Variants in SMAD6 observed in about 807,000 individuals in gnomAD.
SMAD6 encodes SMAD family member 6, also known as MAD homolog 6.
In SMAD6, 103 loss-of-function variants were observed where a neutral mutation model predicts 39.4. The observed-to-expected ratio is 2.62, with a 90% CI of 2.23 to 3.08. SMAD6 has a LOEUF of 3.08. Ranked by LOEUF, SMAD6 falls within the 30% of genes most tolerant of loss-of-function variation. The pLI, the probability that SMAD6 is intolerant of heterozygous loss-of-function variation, is 0.00. For synonymous variants in SMAD6, 445 were observed against 353.3 expected (o/e 1.26, Z -2.91); for missense variants, 1,104 against 742.9 (o/e 1.49, Z -5.65).
In SMAD6 at chr15:66,704,032, C is replaced by T; in HGVS notation, c.774C>T (p.Thr258=). ...TCGCCGCCGCCGCCGACGGCCCTAC[C>T]GTGTGCTGCAACCCCTACCACTTCA... ...HSFAAAADGP[T]VCCNPYHFSR... Residue 258 remains threonine (T), a synonymous_variant, in exon 1 of 4, where the codon ACC becomes ACT. Coordinates refer to ENST00000288840, the MANE Select transcript of SMAD6 (RefSeq NM_005585.5). 1 of 1,514,136 alleles carries T rather than the reference C, an allele frequency of 6.6e-7. No individual in the cohort carries two copies. The highest frequency in any genetic ancestry group is 8.8e-7 in the Non-Finnish European group (1 of 1,140,644). 93.8% of individuals were successfully genotyped at this position (1,514,136 alleles called of 1,614,324 possible). A position where few individuals can be genotyped will look rare whatever the true frequency, so the allele number is the denominator to read the frequency against.
Position 66,703,354 on chromosome 15 carries a change from C to G in SMAD6, c.96C>G (p.Gly32=). 1 of 1,479,086 alleles carries G rather than the reference C, an allele frequency of 6.8e-7. No homozygotes were observed. The highest frequency in any genetic ancestry group is 2.4e-5 in the Admixed American group (1 of 41,054). 91.6% of individuals were successfully genotyped at this position (1,479,086 alleles called of 1,614,324 possible). Residue 32 remains glycine (G), a synonymous_variant, in exon 1 of 4, where the codon GGC becomes GGG. Transcript: ENST00000288840. ...REEGGSGGGG[G]GDEDGSLGSR... is the part of the protein sequence containing the mutation. Reference sequence around the variant, plus strand: ...AAGGCGGCAGCGGCGGCGGCGGTGGCGGCGACGAGGATGGGAGCTTGGGCA... The same window carrying G: ...AAGGCGGCAGCGGCGGCGGCGGTGGGGGCGACGAGGATGGGAGCTTGGGCA...
chr15:66,737,842 T>TC (rs1893741774), intron 3 of SMAD6, among the ~76,000 whole-genome samples: 1 of 152,050 alleles, frequency 6.6e-6, no homozygotes, highest in African/African-American at 2.4e-5. Context: ...AGCCTCCACT[T>TC]CCCAGAACTT....
At chr15:66,753,868 G>T (rs977226209) in intron 3 of SMAD6, among the ~76,000 whole-genome samples, 1 of 152,200 alleles carries the variant, frequency 6.6e-6, no homozygotes, top group Non-Finnish European at 1.5e-5. Context: ...TGGATGACTC[G>T]GGTTTCATTT....
chr15:66,702,432 G>C lies in SMAD6; in HGVS notation c.-827G>C, dbSNP rs892150221. The C allele has an allele frequency of 6.6e-6, 1 of 151,860 alleles. No homozygotes were observed. Among genetic ancestry groups the C allele is most frequent in the Admixed American group, 6.5e-5 (1 of 15,282 alleles). 9.4% of individuals were successfully genotyped at this position (151,860 alleles called of 1,614,324 possible). A position where few individuals can be genotyped will look rare whatever the true frequency, so the allele number is the denominator to read the frequency against. On this transcript the variant is annotated 5_prime_UTR_variant, in exon 1 of 4. Transcript: ENST00000288840. ...GCCACCGGGAGGCACTTTTGTGGAGGGGGGAGGGGGGGCGACCTCGGCAGC... is the reference window on the plus strand; with the variant it reads ...GCCACCGGGAGGCACTTTTGTGGAGCGGGGAGGGGGGGCGACCTCGGCAGC...
In SMAD6 at chr15:66,703,275, G is replaced by T. The variant is rs545003228; in HGVS notation, c.17G>T (p.Arg6Leu). The T allele has an allele frequency of 2.0e-6, 3 of 1,482,686 alleles. No homozygotes were observed. Among genetic ancestry groups the T allele is most frequent in the Non-Finnish European group, 2.7e-6 (3 of 1,115,908 alleles). The allele number at this position is 1,482,686 out of a possible 1,614,324, so 91.8% of individuals were successfully genotyped here. MFRSK[R>L]SGLVRRLWRS... ...GGATATCGTATGTTCAGGTCCAAACGCTCGGGGCTGGTGCGGCGACTTTGG... is the reference window on the plus strand; with the variant it reads ...GGATATCGTATGTTCAGGTCCAAACTCTCGGGGCTGGTGCGGCGACTTTGG... Residue 6 changes from arginine to leucine, a missense_variant, in exon 1 of 4, where the codon CGC (arginine) becomes CTC (leucine). Transcript: ENST00000288840.
At chr15:66,774,706 T>G (rs1490885431) in intron 3 of SMAD6, among the ~76,000 whole-genome samples, 1 of 152,110 alleles carries the variant, frequency 6.6e-6, no homozygotes, top group Non-Finnish European at 1.5e-5. Flanking sequence ...GGGTGTGGCT[T>G]TTTACAGCAC....
At chr15:66,757,760 A>C (rs1166001976) in intron 3 of SMAD6, among the ~76,000 whole-genome samples, 1 of 152,214 alleles carries the variant, frequency 6.6e-6, no homozygotes, top group African/African-American at 2.4e-5. Flanking sequence ...CATTCTGCTC[A>C]CACAGCCTGG....
At chr15:66,756,972 G>A (rs1156580059) in intron 3 of SMAD6, among the ~76,000 whole-genome samples, 1 of 152,216 alleles carries the variant, frequency 6.6e-6, no homozygotes, top group Admixed American at 6.5e-5. Flanking sequence ...GTCTACCTGA[G>A]ACGGTTGTGG....
intron 3 of SMAD6, among the ~76,000 whole-genome samples, chr15:66,724,576 A>G (rs1893490195): frequency 1.3e-5 from 2 of 152,126 alleles, no homozygotes; most frequent in African/African-American, 4.8e-5. Context: ...AAAGCAATAG[A>G]GCTGAGATTG....
chr15:66,765,170 C>T (rs1057007008), intron 3 of SMAD6, among the ~76,000 whole-genome samples: 7 of 152,298 alleles, frequency 4.6e-5, no homozygotes, highest in Middle Eastern at 3.4e-3. Flanking sequence ...CTTCAGCCAG[C>T]GAGGAGAAAG....
intron 3 of SMAD6, among the ~76,000 whole-genome samples, chr15:66,772,340 G>A (rs1894393480): frequency 6.6e-6 from 1 of 152,162 alleles, no homozygotes; most frequent in Non-Finnish European, 1.5e-5. Flanking sequence ...TTCAGGTAGT[G>A]CATTTAAAGG....
intron 3 of SMAD6, among the ~76,000 whole-genome samples, chr15:66,779,455 C>T (rs1894521710): frequency 6.6e-6 from 1 of 152,186 alleles, no homozygotes; most frequent in Admixed American, 6.5e-5. Context: ...AAGGGGCACA[C>T]TCATGAAACC....
chr15:66,714,910 G>A lies in SMAD6; in HGVS notation c.875-1511G>A, dbSNP rs541437788. Reference sequence around the variant, plus strand: ...GGCAGTTCACTAAGAAATAGGACTCGGCTTGTGATGTTGCTACTTCAGATG... The same window carrying A: ...GGCAGTTCACTAAGAAATAGGACTCAGCTTGTGATGTTGCTACTTCAGATG... On this transcript the variant is annotated intron_variant, in intron 2 of 3. Coordinates refer to ENST00000288840, the MANE Select transcript of SMAD6 (RefSeq NM_005585.5). 3.2e-4 allele frequency among the ~76,000 whole-genome samples: 48 copies of A among 152,236 alleles called. No individual in the cohort carries two copies. The South Asian group carries it at 4.4e-3, about 14-fold the overall frequency.
chr15:66,734,406 G>A (rs1453343515), intron 3 of SMAD6, among the ~76,000 whole-genome samples: 1 of 152,182 alleles, frequency 6.6e-6, no homozygotes, highest in Non-Finnish European at 1.5e-5. Flanking sequence ...CTTGGTCACT[G>A]CAGACAGCTC....
chr15:66,761,288 G>T (rs1382305610), intron 3 of SMAD6, among the ~76,000 whole-genome samples: 1 of 152,186 alleles, frequency 6.6e-6, no homozygotes, highest in African/African-American at 2.4e-5. Context: ...TTGCGAACGG[G>T]TGTGCAGAGA....
chr15:66,779,635 C>A (rs902628699), intron 3 of SMAD6, among the ~76,000 whole-genome samples: 1 of 152,226 alleles, frequency 6.6e-6, no homozygotes, highest in Non-Finnish European at 1.5e-5. Context: ...AAGGCAAAGG[C>A]GTCCAGAGCT....
chr15:66,759,770 C>T (rs184764285), intron 3 of SMAD6, among the ~76,000 whole-genome samples: 2 of 152,236 alleles, frequency 1.3e-5, no homozygotes, highest in African/African-American at 4.8e-5. Flanking sequence ...CACTTGTCTT[C>T]TAGTATTATT....
At chr15:66,704,361 A>T (rs1246284374) in intron 1 of SMAD6, 2 of 305,664 alleles carry the variant, frequency 6.5e-6, no homozygotes, top group Non-Finnish European at 1.2e-5. Flanking sequence ...CTCCAACTTC[A>T]TAGGCAGTGA....
Position 66,774,833 on chromosome 15 carries a change from A to ATTTATTTTATTTTATTTTATTTTAT in SMAD6, c.953-6145_953-6121dup, listed in dbSNP as rs61441715. 6.4e-3 allele frequency among the ~76,000 whole-genome samples: 935 copies of ATTTATTTTATTTTATTTTATTTTAT among 146,182 alleles called. 13 individuals carry two copies. Among genetic ancestry groups the ATTTATTTTATTTTATTTTATTTTAT allele is most frequent in the African/African-American group, 0.023 (902 of 39,626 alleles). ...CTCCCCAGGGGTAACCACTATTCTG[A>ATTTATTTTATTTTATTTTATTTTAT]TTTATTTTATTTTATTTTATTTTAT... On this transcript the variant is annotated intron_variant, in intron 3 of 3. Coordinates refer to ENST00000288840, the MANE Select transcript of SMAD6 (RefSeq NM_005585.5).
Sources: gnomAD v4.1 joint callset for allele counts (sites outside exome capture counted in the v4.1 genomes callset) on GRCh38, gnomAD v4.1.1 for gene constraint, MANE v1.5 for transcripts, NCBI Gene and HGNC (gene_info 2026-07-23, HGNC 2026-07-21) for gene names.